RHPN2: variants seen among roughly 807,000 people sequenced by gnomAD.
RHPN2 encodes rhophilin-2.
A neutral mutation model predicts 79.0 loss-of-function variants in RHPN2; 40 were observed. That is an observed-to-expected ratio of 0.51 (90% CI 0.39 to 0.66). The LOEUF (loss-of-function observed/expected upper bound fraction) is 0.66, where lower values mean the gene tolerates loss of function less well. Among genes scored for constraint, RHPN2 ranks in the 30% least tolerant of loss-of-function variants. The pLI is 0.00. For synonymous variants in RHPN2, 285 were observed against 363.5 expected (o/e 0.78, Z 2.46); for missense variants, 686 against 883.5 (o/e 0.78, Z 2.83).
intron 14 of RHPN2, among the ~76,000 whole-genome samples, chr19:32,980,923 C>T (rs1453092606): frequency 2.6e-5 from 4 of 151,640 alleles, no homozygotes; most frequent in Non-Finnish European, 4.4e-5. Context: ...CTGTAAGCTC[C>T]GCCTCCCGGG....
At chr19:33,055,731 G>GT (rs1207059018) in intron 1 of RHPN2, among the ~76,000 whole-genome samples, 1 of 93,920 alleles carries the variant, frequency 1.1e-5, no homozygotes, top group Non-Finnish European at 1.7e-5. Context: ...GAGCTTCTGG[G>GT]TTAAAAAAAA....
At chr19:33,035,922 C>G (rs1000352356) in intron 2 of RHPN2, among the ~76,000 whole-genome samples, 1 of 152,020 alleles carries the variant, frequency 6.6e-6, no homozygotes, top group Non-Finnish European at 1.5e-5. Context: ...ATAGACCATC[C>G]TGGCTAACAC....
intron 1 of RHPN2, 109 bp downstream of exon 1, chr19:33,064,675 C>T (rs922474588): frequency 1.7e-6 from 2 of 1,207,156 alleles, no homozygotes; most frequent in African/African-American, 3.2e-5. Flanking sequence ...CCCCCTCCCC[C>T]TCCCGGCCTA....
chr19:32,999,533 G>A (rs1288985395), intron 10 of RHPN2, 53 bp downstream of exon 10: 1 of 1,590,894 alleles, frequency 6.3e-7, no homozygotes, highest in Non-Finnish European at 8.6e-7. Context: ...GCTGTGAGCA[G>A]GACCAGCTGG....
chr19:33,000,933 T>C (rs1180413234), intron 9 of RHPN2, among the ~76,000 whole-genome samples: 1 of 152,180 alleles, frequency 6.6e-6, no homozygotes, highest in African/African-American at 2.4e-5. Context: ...TTTCACATCT[T>C]GTCTCACCTA....
intron 4 of RHPN2, among the ~76,000 whole-genome samples, chr19:33,019,412 T>C (rs1971905203): frequency 6.6e-6 from 1 of 152,098 alleles, no homozygotes; most frequent in South Asian, 2.1e-4. Flanking sequence ...AAACCCCGTC[T>C]CTGCTAAAAA....
chr19:33,034,520 G>A (rs1972039338), intron 2 of RHPN2, among the ~76,000 whole-genome samples: 1 of 150,710 alleles, frequency 6.6e-6, no homozygotes, highest in East Asian at 2.0e-4. Context: ...GCAGAAGAAT[G>A]GCGTGAACCT....
chr19:33,010,934 C>T (rs749342281), intron 6 of RHPN2, among the ~76,000 whole-genome samples: 2 of 151,720 alleles, frequency 1.3e-5, no homozygotes, highest in African/African-American at 2.4e-5. Context: ...CTGCCTGCCT[C>T]GGCCTCCCAA....
intron 1 of RHPN2, among the ~76,000 whole-genome samples, chr19:33,050,511 C>A (rs1388264625): frequency 1.3e-5 from 2 of 152,120 alleles, no homozygotes; most frequent in African/African-American, 2.4e-5. Flanking sequence ...AGAACATTTC[C>A]ATCATCCCCA....
chr19:33,033,269 A>G (rs962267427), intron 2 of RHPN2, among the ~76,000 whole-genome samples: 6 of 152,132 alleles, frequency 3.9e-5, no homozygotes, highest in African/African-American at 1.4e-4. Context: ...GGTTCGACTT[A>G]AATATAAAAA....
chr19:32,988,585 C>T (rs1971629681), intron 14 of RHPN2, among the ~76,000 whole-genome samples: 1 of 146,034 alleles, frequency 6.8e-6, no homozygotes, highest in African/African-American at 2.6e-5. Flanking sequence ...CCGCCAAGGC[C>T]TCCTTCTTAC....
At chr19:32,989,832 T>A (rs1465940365) in intron 14 of RHPN2, among the ~76,000 whole-genome samples, 1 of 151,648 alleles carries the variant, frequency 6.6e-6, no homozygotes, top group Non-Finnish European at 1.5e-5. Context: ...AGGCTGGGCA[T>A]GGTGGCTCAC....
rs187049194 is a variant in RHPN2, at chr19:33,009,828, G to T, written c.594-1648C>A. ...GAGTTTTGCTCTTTCGCCCAGGCTA[G>T]ACTGCAGTGGCGCCATCTCAGCTCA... On this transcript the variant is annotated intron_variant, in intron 6 of 14. Coordinates refer to ENST00000254260, the MANE Select transcript of RHPN2 (RefSeq NM_033103.5). 4.0e-5 allele frequency among the ~76,000 whole-genome samples: 6 copies of T among 151,780 alleles called. No individual in the cohort carries two copies. The East Asian group carries it at 1.2e-3, about 29-fold the overall frequency.
intron 3 of RHPN2, 68 bp downstream of exon 3, chr19:33,026,436 G>T: frequency 1.3e-6 from 2 of 1,584,534 alleles, no homozygotes; most frequent in Non-Finnish European, 8.6e-7. Flanking sequence ...ACCTCTTTGT[G>T]CAGCACCCTG....
intron 1 of RHPN2, among the ~76,000 whole-genome samples, chr19:33,061,123 G>C (rs532298544): frequency 1.6e-4 from 24 of 151,976 alleles, no homozygotes; most frequent in Middle Eastern, 3.4e-3. Context: ...TCCACACCCT[G>C]GGGGGGCCTA....
At chr19:32,984,703 A>G (rs1373085893) in intron 14 of RHPN2, among the ~76,000 whole-genome samples, 1 of 152,102 alleles carries the variant, frequency 6.6e-6, no homozygotes, top group African/African-American at 2.4e-5. Context: ...TGTAATCCCA[A>G]CTATTCGGGA....
intron 3 of RHPN2, among the ~76,000 whole-genome samples, chr19:33,025,983 T>TTG (rs1568319493): frequency 3.4e-5 from 5 of 148,014 alleles, no homozygotes; most frequent in Non-Finnish European, 7.5e-5. Flanking sequence ...GTTCATTTGT[T>TTG]TTTTTTTTTT....
intron 10 of RHPN2, among the ~76,000 whole-genome samples, chr19:32,997,786 C>T (rs566116548): frequency 2.4e-4 from 36 of 152,228 alleles, no homozygotes; most frequent in South Asian, 2.1e-3. Context: ...CCACCACACC[C>T]GGCCAAGGAA....
chr19:33,031,647 T>G (rs368967554), intron 2 of RHPN2, among the ~76,000 whole-genome samples: 1 of 151,964 alleles, frequency 6.6e-6, no homozygotes, highest in Non-Finnish European at 1.5e-5. Context: ...CCCTCCTGAG[T>G]AGCTGGAACT....
Sources: allele counts gnomAD v4.1 joint callset (sites outside exome capture counted in the v4.1 genomes callset), GRCh38; gene constraint gnomAD v4.1.1; transcripts MANE v1.5; gene names NCBI Gene and HGNC (gene_info 2026-07-23, HGNC 2026-07-21).